Variants in C12orf56 observed in about 807,000 individuals in gnomAD.
C12orf56 encodes uncharacterized protein C12orf56.
A neutral mutation model predicts 69.9 loss-of-function variants in C12orf56; 71 were observed. The ratio of observed to expected loss-of-function variants is 1.02; its 90% CI spans 0.84 to 1.24. The LOEUF is 1.24. Among genes scored for constraint, C12orf56 ranks in the 50% most tolerant of loss-of-function variants. The pLI is 0.00. For synonymous variants in C12orf56, 276 were observed against 274.1 expected, an observed-to-expected ratio of 1.01 and a Z score of -0.07; for missense variants, 732 against 738.5, an observed-to-expected ratio of 0.99 and a Z score of 0.10.
intron 1 of C12orf56, among the ~76,000 whole-genome samples, chr12:64,368,752 A>G (rs1441053390): frequency 1.3e-5 from 2 of 152,200 alleles, no homozygotes; most frequent in Non-Finnish European, 2.9e-5. Flanking sequence ...ATGGTGGGGA[A>G]AACTATAAAC....
intron 1 of C12orf56, among the ~76,000 whole-genome samples, chr12:64,370,391 C>CTATA (rs2039554906): frequency 6.6e-6 from 1 of 151,436 alleles, no homozygotes; most frequent in Non-Finnish European, 1.5e-5. Flanking sequence ...TGACTCATGC[C>CTATA]TATAATCCCA....
In C12orf56 at chr12:64,361,737, C is replaced by CT. The variant is rs879816279; in HGVS notation, c.253-8682dup. Among the ~76,000 whole-genome samples the CT allele has an allele frequency of 4.8e-3, 701 of 146,424 alleles. 5 individuals are homozygous for CT. The highest frequency in any genetic ancestry group is 0.015 in the African/African-American group (591 of 40,312). On this transcript the variant is annotated intron_variant, in intron 1 of 12. Transcript: ENST00000543942. The stretch of plus-strand genomic sequence containing the variant: ...GAGTAGCCATTCTCTTCTTCCTTTA[C>CT]TTTTTTTTTTTTGAGATGGAGTTTT...
chr12:64,309,367 A>G (rs756770634), intron 5 of C12orf56, among the ~76,000 whole-genome samples: 9 of 152,212 alleles, frequency 5.9e-5, no homozygotes, highest in African/African-American at 9.7e-5. Context: ...GGTACCTCAC[A>G]TAAGTGAAAT....
intron 1 of C12orf56, among the ~76,000 whole-genome samples, chr12:64,369,601 A>G (rs1285867569): frequency 6.6e-6 from 1 of 152,246 alleles, no homozygotes; most frequent in African/African-American, 2.4e-5. Flanking sequence ...AACACAATGT[A>G]TAAAATGTAA....
At chr12:64,325,515 G>A (rs966404168) in intron 3 of C12orf56, among the ~76,000 whole-genome samples, 1 of 152,180 alleles carries the variant, frequency 6.6e-6, no homozygotes, top group African/African-American at 2.4e-5. Flanking sequence ...ATATTCAATT[G>A]ACTTCTCTAA....
At chr12:64,267,530 T>A (rs2037931651) in intron 12 of C12orf56, 1 of 496,524 alleles carries the variant, frequency 2.0e-6, no homozygotes, top group South Asian at 2.4e-5. Context: ...ACATGTGGAC[T>A]GTCCTCACCA....
intron 4 of C12orf56, among the ~76,000 whole-genome samples, chr12:64,313,302 T>G (rs1236066603): frequency 3.0e-5 from 3 of 100,846 alleles, no homozygotes; most frequent in Non-Finnish European, 6.6e-5. Context: ...AAGAAAGAAA[T>G]TATTTATCAA....
chr12:64,303,434 C>T (rs953339550), intron 6 of C12orf56, among the ~76,000 whole-genome samples: 6 of 150,964 alleles, frequency 4.0e-5, no homozygotes, highest in Non-Finnish European at 7.4e-5. Flanking sequence ...CTCTTCCCAT[C>T]TCCCCTCCAC....
At chr12:64,351,268 G>A (rs1013474120) in intron 2 of C12orf56, among the ~76,000 whole-genome samples, 1 of 152,138 alleles carries the variant, frequency 6.6e-6, no homozygotes. Context: ...GTTAGAGGAG[G>A]ACTCAATTCC....
At chr12:64,365,107 A>G (rs557238797) in intron 1 of C12orf56, among the ~76,000 whole-genome samples, 1 of 151,350 alleles carries the variant, frequency 6.6e-6, no homozygotes, top group South Asian at 2.1e-4. Flanking sequence ...TATGTGCTTT[A>G]TAGGTGTTAT....
At position 64,267,298 on chromosome 12, in the gene C12orf56, A is replaced by AC; in HGVS notation, c.1764-11_1764-10insG. 1 of 1,585,908 alleles carries AC rather than the reference A, an allele frequency of 6.3e-7. No individual in the cohort carries two copies. The highest frequency in any genetic ancestry group is 1.1e-5 in the South Asian group (1 of 87,526). ...CATGTGAATAAAGTACCTGCAAATC[A>AC]TAAAAAGAAACAAAATAGAGAGTTT... On this transcript the variant is annotated splice_polypyrimidine_tract_variant and intron_variant, in intron 12 of 12. Transcript: ENST00000543942.
rs2037908069 is a variant in C12orf56, at chr12:64,265,127, T to A, written c.*2056A>T. ...GATCCTCTCGTTGTCATCCTGCGGG[T>A]TCATCAGTACATTCTTTGTCCGGTT... On this transcript the variant is annotated 3_prime_UTR_variant, in exon 13 of 13. Coordinates refer to ENST00000543942, the MANE Select transcript of C12orf56 (RefSeq NM_001170633.2). 6.6e-6 allele frequency: 1 copy of A among 152,346 alleles called. No individual in the cohort carries two copies. The highest frequency in any genetic ancestry group is 2.4e-5 in the African/African-American group (1 of 41,562). 9.4% of individuals were successfully genotyped at this position (152,346 alleles called of 1,614,324 possible). A position where few individuals can be genotyped will look rare whatever the true frequency, so the allele number is the denominator to read the frequency against.
At chr12:64,330,751 T>C (rs6581540) in intron 3 of C12orf56, among the ~76,000 whole-genome samples, 68,208 of 151,970 alleles carry the variant, frequency 0.45, 15,655 homozygotes, top group African/African-American at 0.54. Flanking sequence ...TGTTCAGTAA[T>C]ATATAGAAAA....
Position 64,348,404 on chromosome 12 carries a change from AG to A in C12orf56, c.415+4489del, listed in dbSNP as rs2039176638. ...AGCAAAATTTATAAAGGATTGTAAA[AG>A]GTTTTTGCTTTTTAAAAAATGTCCA... On this transcript the variant is annotated intron_variant, in intron 2 of 12. Transcript: ENST00000543942. Among the ~76,000 whole-genome samples the A allele has an allele frequency of 2.6e-5, 4 of 152,356 alleles. No homozygotes were observed. In the South Asian group the frequency reaches 8.3e-4, roughly 32 times the overall value.
At position 64,352,964 on chromosome 12, in the gene C12orf56, C is replaced by T; in HGVS notation, c.345G>A (p.Glu115=). 6.2e-7 allele frequency: 1 copy of T among 1,613,228 alleles called. No homozygotes were observed. The highest frequency in any genetic ancestry group is 8.5e-7 in the Non-Finnish European group (1 of 1,179,652). Reference sequence around the variant, plus strand: ...TCCTGACACTGTTTGACTTTTTACACTCTTTTTTCAAAACGGTTGAAGAAT... The same window carrying T: ...TCCTGACACTGTTTGACTTTTTACATTCTTTTTTCAAAACGGTTGAAGAAT... ...IIYSSTVLKK[E]CKKSNSVRKF... is the part of the protein sequence containing the mutation. The change falls in exon 2 of 13, where the codon GAG becomes GAA. Residue 115 remains glutamate, a synonymous_variant. Transcript: ENST00000543942.
At chr12:64,352,751 C>A in intron 2 of C12orf56, 143 bp downstream of exon 2, 1 of 639,596 alleles carries the variant, frequency 1.6e-6, no homozygotes, top group Non-Finnish European at 2.3e-6. Flanking sequence ...AATGTGTCCC[C>A]ATGCCTAAAT....
In C12orf56 at chr12:64,303,761, C is replaced by T. The variant is rs370826655; in HGVS notation, c.987G>A (p.Lys329=). Residue 329 remains lysine (K), a synonymous_variant, in exon 6 of 13, where the codon AAG becomes AAA. Transcript: ENST00000543942. ...QKPYRSEEKI[K]HFSQLKSELF... is the part of the protein sequence containing the mutation. ...GTTCAGATTTAAGTTGACTGAAGTG[C>T]TTAATTTTCTCCTCAGACCTACAGA... The T allele has an allele frequency of 7.9e-5, 125 of 1,586,768 alleles. No individual in the cohort carries two copies. The highest frequency in any genetic ancestry group is 1.7e-4 in the Middle Eastern group (1 of 6,010).
At chr12:64,380,030 G>A (rs1325224225) in intron 1 of C12orf56, among the ~76,000 whole-genome samples, 7 of 146,656 alleles carry the variant, frequency 4.8e-5, no homozygotes, top group Non-Finnish European at 1.0e-4. Context: ...GCGTGAACCC[G>A]GGAGGCGGAG....
At chr12:64,287,261 AAAG>A (rs1170967895) in intron 6 of C12orf56, among the ~76,000 whole-genome samples, 1,809 of 67,524 alleles carry the variant, frequency 0.027, 156 homozygotes, top group South Asian at 0.042. Context: ...AAAAAAAAAA[AAAG>A]AAGAAGAAGA....
Sources: allele counts gnomAD v4.1 joint callset (sites outside exome capture counted in the v4.1 genomes callset), GRCh38; gene constraint gnomAD v4.1.1; transcripts MANE v1.5; gene names NCBI Gene and HGNC (gene_info 2026-07-23, HGNC 2026-07-21).